The following ASTN2 variants were observed in gnomAD, a reference collection of about 807,000 sequenced individuals.
ASTN2 encodes astrotactin 2.
In ASTN2, 54 loss-of-function variants were observed where a neutral mutation model predicts 139.8. The ratio of observed to expected loss-of-function variants is 0.39; its 90% confidence interval spans 0.31 to 0.48. The LOEUF (loss-of-function observed/expected upper bound fraction) is 0.48, where lower values mean the gene tolerates loss of function less well. Ranked by LOEUF, ASTN2 falls within the 20% of genes least tolerant of loss-of-function variation. The pLI, the probability that ASTN2 is intolerant of heterozygous loss-of-function variation, is 0.95. For synonymous variants in ASTN2, 756 were observed against 719.5 expected, an observed-to-expected ratio of 1.05 and a Z score of -0.81; for missense variants, 1,565 against 1,725.1, an observed-to-expected ratio of 0.91 and a Z score of 1.64.
intron 16 of ASTN2, among the ~76,000 whole-genome samples, chr9:116,656,810 C>T (rs1441829753): frequency 6.6e-6 from 1 of 151,778 alleles, no homozygotes; most frequent in Non-Finnish European, 1.5e-5. Context: ...AAGCATCAGA[C>T]TAAGGGCTTC....
At chr9:116,827,747 T>A (rs1366808758) in intron 11 of ASTN2, among the ~76,000 whole-genome samples, 1 of 151,794 alleles carries the variant, frequency 6.6e-6, no homozygotes, top group Admixed American at 6.6e-5. Flanking sequence ...ATAAAAAATA[T>A]CTCTCAATAA....
At chr9:117,124,808 GAAAA>G (rs56107557) in intron 4 of ASTN2, among the ~76,000 whole-genome samples, 1,628 of 130,042 alleles carry the variant, frequency 0.013, 31 homozygotes, top group Middle Eastern at 0.089. Flanking sequence ...CTGCCACCAT[GAAAA>G]AAAAAAAAAA....
intron 20 of ASTN2, among the ~76,000 whole-genome samples, chr9:116,468,685 A>G (rs894912612): frequency 6.6e-6 from 1 of 152,222 alleles, no homozygotes; most frequent in Non-Finnish European, 1.5e-5. Context: ...CCTAAAGAGC[A>G]AATCTGACAA....
At chr9:117,004,317 C>A (rs1837294207) in intron 7 of ASTN2, among the ~76,000 whole-genome samples, 1 of 152,026 alleles carries the variant, frequency 6.6e-6, no homozygotes, top group Non-Finnish European at 1.5e-5. Context: ...AACAAGATTT[C>A]ACTATGTTGC....
chr9:117,119,133 A>G (rs970818110), intron 4 of ASTN2, among the ~76,000 whole-genome samples: 2 of 152,214 alleles, frequency 1.3e-5, no homozygotes, highest in Admixed American at 6.5e-5. Flanking sequence ...TAATGCACAG[A>G]AAAATTTAAA....
chr9:117,171,910 T>C (rs1830803837), intron 3 of ASTN2, among the ~76,000 whole-genome samples: 1 of 152,074 alleles, frequency 6.6e-6, no homozygotes, highest in Non-Finnish European at 1.5e-5. Flanking sequence ...CTATATACAT[T>C]TTAGTAAATT....
chr9:116,772,358 T>C (rs778637963), intron 13 of ASTN2, among the ~76,000 whole-genome samples: 17 of 152,214 alleles, frequency 1.1e-4, no homozygotes, highest in Non-Finnish European at 2.4e-4. Context: ...GCACACGCTC[T>C]CTTGCCTGCC....
At chr9:116,898,234 C>T (rs542927582) in intron 10 of ASTN2, among the ~76,000 whole-genome samples, 4 of 151,910 alleles carry the variant, frequency 2.6e-5, no homozygotes, top group Non-Finnish European at 5.9e-5. Flanking sequence ...TAGTGAGACC[C>T]TATCTCTACA....
intron 16 of ASTN2, among the ~76,000 whole-genome samples, chr9:116,669,963 C>A (rs781109738): frequency 7.9e-5 from 12 of 152,082 alleles, no homozygotes; most frequent in East Asian, 1.9e-4. Flanking sequence ...TGCCACCACG[C>A]CCAGCTAATT....
At chr9:117,104,397 G>T (rs1018736542) in intron 4 of ASTN2, among the ~76,000 whole-genome samples, 2 of 152,172 alleles carry the variant, frequency 1.3e-5, no homozygotes, top group South Asian at 4.1e-4. Context: ...ATGCAGAGAA[G>T]AATACAAAGA....
At chr9:116,732,761 T>TG (rs1828822427) in intron 14 of ASTN2, among the ~76,000 whole-genome samples, 1 of 151,772 alleles carries the variant, frequency 6.6e-6, no homozygotes, top group African/African-American at 2.4e-5. Context: ...GTTGCAGGGG[T>TG]GGGGGAGCGG....
intron 5 of ASTN2, among the ~76,000 whole-genome samples, chr9:117,041,887 T>C (rs1240707404): frequency 6.6e-6 from 1 of 152,178 alleles, no homozygotes; most frequent in African/African-American, 2.4e-5. Flanking sequence ...TCACCATATA[T>C]AAAGATTTCA....
At chr9:117,364,553 G>A (rs1244123692) in intron 1 of ASTN2, among the ~76,000 whole-genome samples, 6 of 152,278 alleles carry the variant, frequency 3.9e-5, no homozygotes, top group Non-Finnish European at 5.9e-5. Context: ...GGTACCCCAC[G>A]AAAGATTATT....
intron 1 of ASTN2, among the ~76,000 whole-genome samples, chr9:117,324,413 G>A (rs1011138806): frequency 6.6e-6 from 1 of 152,218 alleles, no homozygotes; most frequent in Non-Finnish European, 1.5e-5. Flanking sequence ...GATCATAGCA[G>A]AAGGGGAAGC....
chr9:116,974,006 G>T (rs888158674), intron 10 of ASTN2, among the ~76,000 whole-genome samples: 2 of 152,156 alleles, frequency 1.3e-5, no homozygotes, highest in Non-Finnish European at 2.9e-5. Context: ...AATACTGATA[G>T]CATTGTGATT....
chr9:117,090,961 G>A (rs117117962), intron 5 of ASTN2, among the ~76,000 whole-genome samples: 60 of 152,282 alleles, frequency 3.9e-4, no homozygotes, highest in Non-Finnish European at 5.9e-4. Flanking sequence ...TGGTTACATC[G>A]TTCCCAGATG....
intron 10 of ASTN2, among the ~76,000 whole-genome samples, chr9:116,934,072 G>C (rs188546819): frequency 1.2e-3 from 183 of 149,716 alleles, no homozygotes; most frequent in African/African-American, 4.1e-3. Context: ...TGGGGGCTCA[G>C]GCAGCAGCTA....
Position 116,698,360 on chromosome 9 carries a change from C to T in ASTN2, c.2806+27411G>A. On this transcript the variant is annotated intron_variant, in intron 16 of 22. Coordinates refer to ENST00000313400, the MANE Select transcript of ASTN2 (RefSeq NM_001365068.1). The surrounding 1 kb of genome is among the most constrained non-coding windows in gnomAD (Gnocchi z 4.4). ...AGCTGGCTCGCTCTCGGAAGTTCTT[C>T]ACAGGCTCTTTGGCTGAAGTTGAGA... 1 of 1,614,160 alleles carries T rather than the reference C, an allele frequency of 6.2e-7. No individual in the cohort carries two copies. The highest frequency in any genetic ancestry group is 8.5e-7 in the Non-Finnish European group (1 of 1,180,040).
At chr9:116,567,125 T>C (rs1159411492) in intron 19 of ASTN2, among the ~76,000 whole-genome samples, 1 of 152,222 alleles carries the variant, frequency 6.6e-6, no homozygotes. Flanking sequence ...TGCTGGTAAA[T>C]GTTTAACAAC....
Sources: allele counts gnomAD v4.1 joint callset (sites outside exome capture counted in the v4.1 genomes callset), GRCh38; gene constraint gnomAD v4.1.1; non-coding constraint Gnocchi (gnomAD v3.1); transcripts MANE v1.5; gene names NCBI Gene and HGNC (gene_info 2026-07-23, HGNC 2026-07-21).